The following SUSD4 variants were observed in gnomAD, a reference collection of about 807,000 sequenced individuals.
SUSD4 encodes the protein sushi domain containing 4.
Under a neutral mutation model 50.5 loss-of-function variants are expected in SUSD4, and 41 were observed. The ratio of observed to expected loss-of-function variants is 0.81; its 90% CI spans 0.63 to 1.05. SUSD4 has a LOEUF of 1.05. Ranked by LOEUF, SUSD4 falls within the 50% of genes least tolerant of loss-of-function variation. The pLI, the probability that SUSD4 is intolerant of heterozygous loss-of-function variation, is 0.00. For missense variants in SUSD4, 580 were observed against 634.7 expected (o/e 0.91, Z 0.93); for synonymous variants, 257 against 257.3 (o/e 1.00, Z 0.01).
chr1:223,299,422 T>C (rs1665042125), intron 2 of SUSD4, among the ~76,000 whole-genome samples: 1 of 152,240 alleles, frequency 6.6e-6, no homozygotes, highest in South Asian at 2.1e-4. Context: ...ATGATTCCAA[T>C]ATGTTTGTTT....
chr1:223,352,240 CTG>C (rs1668408733), intron 2 of SUSD4, among the ~76,000 whole-genome samples: 1 of 152,316 alleles, frequency 6.6e-6, no homozygotes, highest in Admixed American at 6.5e-5. Flanking sequence ...TTTAGATAAT[CTG>C]TGTGTTTGAA....
intron 3 of SUSD4, among the ~76,000 whole-genome samples, chr1:223,271,968 T>A (rs563705650): frequency 1.3e-5 from 2 of 152,352 alleles, no homozygotes; most frequent in South Asian, 2.1e-4. Flanking sequence ...GGCTCACCCC[T>A]ATAATCCCAA....
intron 2 of SUSD4, among the ~76,000 whole-genome samples, chr1:223,301,562 T>C (rs1309499634): frequency 1.3e-5 from 2 of 152,076 alleles, no homozygotes; most frequent in South Asian, 2.1e-4. Flanking sequence ...TAAGAGCTTT[T>C]CCCCCCTTAC....
At chr1:223,245,440 AGG>A (rs1660854547) in intron 5 of SUSD4, among the ~76,000 whole-genome samples, 1 of 151,884 alleles carries the variant, frequency 6.6e-6, no homozygotes, top group South Asian at 2.1e-4. Context: ...CCTGGCAGAG[AGG>A]ATGGCACATG....
intron 2 of SUSD4, among the ~76,000 whole-genome samples, chr1:223,338,661 G>C (rs918339013): frequency 2.0e-5 from 3 of 152,214 alleles, no homozygotes; most frequent in Non-Finnish European, 2.9e-5. Flanking sequence ...AAGAGCATGG[G>C]GAGAAGGGGT....
chr1:223,268,445 A>G (rs1420734839), intron 4 of SUSD4, 57 bp downstream of exon 4: 136 of 1,563,028 alleles, frequency 8.7e-5, no homozygotes, highest in Admixed American at 1.1e-4. Flanking sequence ...TACACAGTCT[A>G]CAATAAAGTC....
At chr1:223,325,463 C>T (rs533698135) in intron 2 of SUSD4, among the ~76,000 whole-genome samples, 30 of 152,226 alleles carry the variant, frequency 2.0e-4, no homozygotes, top group African/African-American at 6.7e-4. Context: ...AGGTTTAATT[C>T]ATCCTATGGT....
chr1:223,355,091 T>TTC (rs1668585127), intron 2 of SUSD4, among the ~76,000 whole-genome samples: 1 of 152,008 alleles, frequency 6.6e-6, no homozygotes, highest in Admixed American at 6.6e-5. Flanking sequence ...TTTTTTTTTT[T>TTC]TCAGATGGAG....
intron 2 of SUSD4, among the ~76,000 whole-genome samples, chr1:223,302,326 C>T (rs148154217): frequency 7.2e-5 from 11 of 152,314 alleles, no homozygotes; most frequent in Non-Finnish European, 1.2e-4. Flanking sequence ...CAGACTAATA[C>T]AGACCTTAAC....
chr1:223,348,653 C>T lies in SUSD4; in HGVS notation c.148+14625G>A, dbSNP rs189358729. 1.2e-3 allele frequency among the ~76,000 whole-genome samples: 176 copies of T among 152,314 alleles called. 3 individuals are homozygous for T. The highest frequency in any genetic ancestry group is 2.2e-3 in the Admixed American group (34 of 15,306). Reference sequence around the variant, plus strand: ...TGCTGGCCAGCACTGCCCACTTTTTCTCTTTAGGCCTCCCCGGTACACTAC... The same window carrying T: ...TGCTGGCCAGCACTGCCCACTTTTTTTCTTTAGGCCTCCCCGGTACACTAC... On this transcript the variant is annotated intron_variant, in intron 2 of 8. Transcript: ENST00000366878.
intron 5 of SUSD4, among the ~76,000 whole-genome samples, chr1:223,238,079 T>A (rs1475972708): frequency 5.3e-5 from 8 of 152,018 alleles, no homozygotes; most frequent in Non-Finnish European, 1.2e-4. Flanking sequence ...TTTGGCAGAT[T>A]GTGTCTTTCA....
intron 5 of SUSD4, among the ~76,000 whole-genome samples, chr1:223,250,739 T>C (rs575200457): frequency 5.3e-5 from 8 of 152,284 alleles, no homozygotes; most frequent in South Asian, 2.1e-4. Flanking sequence ...AAAAGAGAGC[T>C]GGAGGAACCC....
chr1:223,271,373 A>C (rs1047470558), intron 3 of SUSD4, among the ~76,000 whole-genome samples: 19 of 152,212 alleles, frequency 1.2e-4, no homozygotes, highest in African/African-American at 4.6e-4. Flanking sequence ...AGTTAGAGCT[A>C]AAGTTTCCCC....
At chr1:223,278,304 C>G (rs920734510) in intron 3 of SUSD4, among the ~76,000 whole-genome samples, 1 of 152,162 alleles carries the variant, frequency 6.6e-6, no homozygotes, top group African/African-American at 2.4e-5. Flanking sequence ...TCAGGGAATT[C>G]CCTTTCCTAG....
chr1:223,339,989 T>C (rs1268569123), intron 2 of SUSD4, among the ~76,000 whole-genome samples: 5 of 152,192 alleles, frequency 3.3e-5, no homozygotes, highest in South Asian at 2.1e-4. Flanking sequence ...ACTCAACTCC[T>C]TATCTCCTTA....
At chr1:223,316,045 G>A (rs978618510) in intron 2 of SUSD4, among the ~76,000 whole-genome samples, 1 of 152,194 alleles carries the variant, frequency 6.6e-6, no homozygotes, top group South Asian at 2.1e-4. Context: ...GCCACCCATG[G>A]AAAGTGGCTC....
rs1009811233 is a variant in SUSD4, at chr1:223,231,170, C to T, written c.725-1782G>A. Among the ~76,000 whole-genome samples, 3 of 152,090 alleles carry T rather than the reference C, an allele frequency of 2.0e-5. No individual in the cohort carries two copies. Among genetic ancestry groups the T allele is most frequent in the African/African-American group, 7.2e-5 (3 of 41,406 alleles). Reference sequence around the variant, plus strand: ...GAAACTCAGACCCCGCTGGAGATGTCCCCAGGGCAGGAACAGTGAGGGAGA... The same window carrying T: ...GAAACTCAGACCCCGCTGGAGATGTTCCCAGGGCAGGAACAGTGAGGGAGA... On this transcript the variant is annotated intron_variant, in intron 5 of 8. Coordinates refer to ENST00000366878, the MANE Select transcript of SUSD4 (RefSeq NM_017982.4). The surrounding 1 kb of genome is among the most constrained non-coding windows in gnomAD (Gnocchi z 4.2).
Position 223,264,787 on chromosome 1 carries a change from G to A in SUSD4, c.567C>T (p.Gly189=), listed in dbSNP as rs1310169217. Residue 189 remains glycine, a synonymous_variant, in exon 5 of 9, where the codon GGC becomes GGT. Transcript: ENST00000366878. ...TCTGGAGCTCAGAGATGTTTACATA[G>A]CCATTAGAAGAGGCTAGAGGTCTCA... The part of the protein sequence containing the change: ...GCLRPLASSN[G]YVNISELQTS... 2.5e-6 allele frequency: 4 copies of A among 1,614,172 alleles called. No homozygotes were observed. The highest frequency in any genetic ancestry group is 3.3e-5 in the Admixed American group (2 of 60,022).
intron 2 of SUSD4, among the ~76,000 whole-genome samples, chr1:223,361,814 G>A (rs1476216453): frequency 6.6e-6 from 1 of 152,216 alleles, no homozygotes; most frequent in Non-Finnish European, 1.5e-5. Context: ...AGAGAGGAGG[G>A]GAGGAAATGA....
Sources: allele counts gnomAD v4.1 joint callset (sites outside exome capture counted in the v4.1 genomes callset), GRCh38; gene constraint gnomAD v4.1.1; non-coding constraint Gnocchi (gnomAD v3.1); transcripts MANE v1.5; gene names NCBI Gene and HGNC (gene_info 2026-07-23, HGNC 2026-07-21).